The following CNTNAP2 variants were observed in gnomAD, a reference collection of about 807,000 sequenced individuals.
CNTNAP2 encodes contactin-associated protein-like 2.
In CNTNAP2, 98 loss-of-function variants were observed where a neutral mutation model predicts 155.2. The observed-to-expected ratio is 0.63, with a 90% CI of 0.54 to 0.75. The LOEUF is 0.75. Among genes scored for constraint, CNTNAP2 ranks in the 30% least tolerant of loss-of-function variants. The probability of loss-of-function intolerance (pLI) is 0.00; values close to 1 mark genes in which losing one functional copy is unlikely to be tolerated. For missense variants in CNTNAP2, 1,727 were observed against 1,688.1 expected, an observed-to-expected ratio of 1.02 and a Z score of -0.40; for synonymous variants, 651 against 631.2, an observed-to-expected ratio of 1.03 and a Z score of -0.47.
intron 20 of CNTNAP2, among the ~76,000 whole-genome samples, chr7:148,238,867 C>G (rs1050845201): frequency 3.9e-5 from 6 of 152,184 alleles, no homozygotes; most frequent in African/African-American, 1.4e-4. Context: ...TACCCTTGAA[C>G]TTTCTGCCAA....
At chr7:147,320,607 T>G (rs1020200614) in intron 9 of CNTNAP2, among the ~76,000 whole-genome samples, 1 of 152,212 alleles carries the variant, frequency 6.6e-6, no homozygotes, top group African/African-American at 2.4e-5. Context: ...TTTCATTTCT[T>G]GTGGTAGAGT....
At chr7:146,805,084 T>G (rs1027762125) in intron 2 of CNTNAP2, among the ~76,000 whole-genome samples, 18 of 152,174 alleles carry the variant, frequency 1.2e-4, no homozygotes, top group African/African-American at 4.3e-4. Flanking sequence ...GGCCATTGGG[T>G]TTGTGGCAGA....
chr7:147,148,347 G>A lies in CNTNAP2; in HGVS notation c.1348+15838G>A, dbSNP rs571377663. Reference sequence around the variant, plus strand: ...GGAGCTTGCAGTGAGCCGAGATCCCGCCACTGCACTCCAGCCTGGGCGACA... The same window carrying A: ...GGAGCTTGCAGTGAGCCGAGATCCCACCACTGCACTCCAGCCTGGGCGACA... On this transcript the variant is annotated intron_variant, in intron 8 of 23. Coordinates refer to ENST00000361727, the MANE Select transcript of CNTNAP2 (RefSeq NM_014141.6). Among the ~76,000 whole-genome samples, 698 of 136,094 alleles carry A rather than the reference G, an allele frequency of 5.1e-3. 15 individuals carry two copies. Among genetic ancestry groups the A allele is most frequent in the Admixed American group, 0.051 (644 of 12,724 alleles). 89.3% of individuals were successfully genotyped at this position (136,094 alleles called of 152,430 possible).
intron 16 of CNTNAP2, among the ~76,000 whole-genome samples, chr7:148,123,664 GA>G (rs1804650443): frequency 6.7e-6 from 1 of 149,792 alleles, no homozygotes; most frequent in African/African-American, 2.5e-5. Flanking sequence ...AGGAAGGAAG[GA>G]AGGAAGGAAG....
At chr7:146,764,640 T>C (rs1802164342) in intron 1 of CNTNAP2, among the ~76,000 whole-genome samples, 1 of 152,164 alleles carries the variant, frequency 6.6e-6, no homozygotes, top group African/African-American at 2.4e-5. Context: ...GCTACAGCTG[T>C]TAAATGTCCA....
intron 3 of CNTNAP2, among the ~76,000 whole-genome samples, chr7:146,970,543 A>G (rs369458111): frequency 1.3e-5 from 2 of 152,088 alleles, no homozygotes; most frequent in Non-Finnish European, 2.9e-5. Context: ...ATGGCAATCA[A>G]TAAAAAGTCA....
intron 1 of CNTNAP2, among the ~76,000 whole-genome samples, chr7:146,655,862 A>C (rs137996084): frequency 1.3e-5 from 2 of 152,326 alleles, no homozygotes; most frequent in Non-Finnish European, 2.9e-5. Flanking sequence ...TGATTAAATA[A>C]AATAAAATTT....
At chr7:147,042,385 C>G (rs1166649561) in intron 3 of CNTNAP2, among the ~76,000 whole-genome samples, 1 of 151,968 alleles carries the variant, frequency 6.6e-6, no homozygotes. Flanking sequence ...TTTCAGTATA[C>G]TTCTCATAAT....
intron 4 of CNTNAP2, among the ~76,000 whole-genome samples, chr7:147,089,266 T>G (rs1315018416): frequency 6.6e-6 from 1 of 152,106 alleles, no homozygotes; most frequent in Non-Finnish European, 1.5e-5. Flanking sequence ...GTGATCGGAG[T>G]CCTGGCCCTC....
intron 1 of CNTNAP2, among the ~76,000 whole-genome samples, chr7:146,329,330 A>T (rs1472802676): frequency 2.0e-5 from 3 of 152,098 alleles, no homozygotes; most frequent in African/African-American, 7.2e-5. Context: ...AAAAAATACC[A>T]TCCTCTCCAT....
At chr7:146,969,436 G>A (rs957588859) in intron 3 of CNTNAP2, among the ~76,000 whole-genome samples, 12 of 152,104 alleles carry the variant, frequency 7.9e-5, no homozygotes, top group Non-Finnish European at 1.8e-4. Context: ...TTATTATTGT[G>A]TGGGAGTCTA....
chr7:148,298,307 A>G lies in CNTNAP2; in HGVS notation c.3475+31181A>G, dbSNP rs139340494. On this transcript the variant is annotated intron_variant, in intron 21 of 23. Coordinates refer to ENST00000361727, the MANE Select transcript of CNTNAP2 (RefSeq NM_014141.6). The stretch of plus-strand genomic sequence containing the variant: ...AGATAATGCCTAAAAACATGTCATG[A>G]AATTGCAATGTCACCACATCATTTG... 3.0e-4 allele frequency among the ~76,000 whole-genome samples: 46 copies of G among 152,312 alleles called. 1 individual carries two copies. In the East Asian group the frequency reaches 7.5e-3, roughly 25 times the overall value.
chr7:146,786,197 C>T (rs1802571204), intron 2 of CNTNAP2, among the ~76,000 whole-genome samples: 1 of 152,162 alleles, frequency 6.6e-6, no homozygotes. Context: ...TCAATATCTA[C>T]TCTCCTGTGA....
intron 13 of CNTNAP2, among the ~76,000 whole-genome samples, chr7:147,718,577 A>G (rs1267499459): frequency 6.6e-6 from 1 of 152,150 alleles, no homozygotes; most frequent in Non-Finnish European, 1.5e-5. Context: ...AGCAAGTTCA[A>G]AAAGCAGGAT....
At chr7:146,828,097 C>A (rs185531091) in intron 2 of CNTNAP2, among the ~76,000 whole-genome samples, 1 of 151,874 alleles carries the variant, frequency 6.6e-6, no homozygotes, top group Non-Finnish European at 1.5e-5. Flanking sequence ...ATAAAATATT[C>A]TAAAAGAAAC....
chr7:146,698,209 A>T (rs1800814310), intron 1 of CNTNAP2, among the ~76,000 whole-genome samples: 2 of 152,226 alleles, frequency 1.3e-5, no homozygotes, highest in Admixed American at 1.3e-4. Flanking sequence ...GTATCCTCTA[A>T]GAACCAAAAA....
chr7:148,307,950 T>C (rs1244644050), intron 21 of CNTNAP2, among the ~76,000 whole-genome samples: 1 of 152,156 alleles, frequency 6.6e-6, no homozygotes, highest in Non-Finnish European at 1.5e-5. Flanking sequence ...TCTAACCTGT[T>C]TGACAGAGTG....
At chr7:146,483,747 G>T (rs994762784) in intron 1 of CNTNAP2, among the ~76,000 whole-genome samples, 1 of 151,890 alleles carries the variant, frequency 6.6e-6, no homozygotes, top group African/African-American at 2.4e-5. Context: ...AAATATTTTT[G>T]TACAGCTGTA....
At chr7:147,887,467 G>A (rs60967951) in intron 13 of CNTNAP2, among the ~76,000 whole-genome samples, 21,530 of 152,120 alleles carry the variant, frequency 0.14, 1,632 homozygotes, top group African/African-American at 0.2. Flanking sequence ...GCAAGACTTC[G>A]TCTCAAAAAA....
Sources: allele counts gnomAD v4.1 joint callset (sites outside exome capture counted in the v4.1 genomes callset), GRCh38; gene constraint gnomAD v4.1.1; transcripts MANE v1.5; gene names NCBI Gene and HGNC (gene_info 2026-07-23, HGNC 2026-07-21).